NEK10: variants seen among roughly 807,000 people sequenced by gnomAD.
NEK10 encodes the protein serine/threonine-protein kinase Nek10.
A neutral mutation model predicts 159.8 loss-of-function variants in NEK10; 122 were observed. The ratio of observed to expected loss-of-function variants is 0.76; its 90% CI spans 0.66 to 0.89. The LOEUF (loss-of-function observed/expected upper bound fraction) is 0.89. Ranked by LOEUF, NEK10 falls within the 40% of genes least tolerant of loss-of-function variation. The probability of loss-of-function intolerance (pLI) is 0.00; values close to 1 mark genes in which losing one functional copy is unlikely to be tolerated. For synonymous variants in NEK10, 466 were observed against 457.1 expected, an observed-to-expected ratio of 1.02 and a Z score of -0.25; for missense variants, 1,342 against 1,323.1, an observed-to-expected ratio of 1.01 and a Z score of -0.22.
chr3:27,117,095 G>C (rs1575361290), intron 33 of NEK10, among the ~76,000 whole-genome samples: 1 of 152,064 alleles, frequency 6.6e-6, no homozygotes, highest in Non-Finnish European at 1.5e-5. Context: ...TTCTGTTCCC[G>C]TGTTAGTTTG....
chr3:27,229,111 C>T (rs1425714041), intron 23 of NEK10, among the ~76,000 whole-genome samples: 2 of 152,114 alleles, frequency 1.3e-5, no homozygotes, highest in Non-Finnish European at 2.9e-5. Flanking sequence ...AAAGTTTGCA[C>T]CTCAAGAGAA....
chr3:27,148,695 A>G (rs2148726711), intron 30 of NEK10, among the ~76,000 whole-genome samples: 1 of 152,306 alleles, frequency 6.6e-6, no homozygotes, highest in Non-Finnish European at 1.5e-5. Flanking sequence ...ATTATTTTAC[A>G]CACCATGCTA....
intron 5 of NEK10, among the ~76,000 whole-genome samples, chr3:27,334,239 A>G (rs2087760): frequency 0.74 from 111,869 of 152,162 alleles, 41,373 homozygotes; most frequent in East Asian, 0.88. Context: ...CAGGCCTGGA[A>G]ACTAGTGTGC....
intron 30 of NEK10, chr3:27,162,309 G>C: frequency 2.2e-6 from 3 of 1,343,496 alleles, no homozygotes; most frequent in Non-Finnish European, 3.0e-6. Flanking sequence ...CCATCAAATC[G>C]CCAAACTAAT....
chr3:27,314,890 G>T (rs1359985518), intron 6 of NEK10, among the ~76,000 whole-genome samples: 1 of 152,100 alleles, frequency 6.6e-6, no homozygotes, highest in African/African-American at 2.4e-5. Flanking sequence ...AGATCTCCAG[G>T]TCATACGTAC....
chr3:27,304,991 TG>T lies in NEK10; in HGVS notation c.804-21del. 1.3e-6 allele frequency: 2 copies of T among 1,486,930 alleles called. No individual in the cohort carries two copies. Among genetic ancestry groups the T allele is most frequent in the Non-Finnish European group, 9.4e-7 (1 of 1,068,972 alleles). 92.1% of individuals were successfully genotyped at this position (1,486,930 alleles called of 1,614,324 possible). On this transcript the variant is annotated intron_variant, in intron 11 of 35. Transcript: ENST00000691995. ...GTTAGTCTGAAAGGGGTACAGAGGG[TG>T]GGGTGAGAATCACAGCATCATGAGT...
intron 23 of NEK10, chr3:27,252,337 G>A: frequency 2.7e-6 from 1 of 375,360 alleles, no homozygotes; most frequent in Admixed American, 2.7e-5. Flanking sequence ...AAGTAAAGAA[G>A]TAAACTCTGC....
intron 23 of NEK10, among the ~76,000 whole-genome samples, chr3:27,218,658 A>T (rs1402806139): frequency 6.8e-6 from 1 of 147,708 alleles, no homozygotes; most frequent in Non-Finnish European, 1.5e-5. Context: ...ACCAAGTGGG[A>T]TTTGTCTCAG....
chr3:27,254,770 A>G (rs1488577773), intron 23 of NEK10, among the ~76,000 whole-genome samples: 2 of 152,206 alleles, frequency 1.3e-5, no homozygotes, highest in African/African-American at 2.4e-5. Flanking sequence ...ATAATAGCTT[A>G]TCTATATGAG....
At position 27,190,551 on chromosome 3, in the gene NEK10, G is replaced by A. The variant is rs561718597; in HGVS notation, c.2505+1478C>T. The stretch of plus-strand genomic sequence containing the variant: ...GATAAGTAATGGTCCTTCTCAAGGT[G>A]TTTTGCTAAAGATAACAGACTTTCT... On this transcript the variant is annotated intron_variant, in intron 26 of 35. Transcript: ENST00000691995. Among the ~76,000 whole-genome samples, 4 of 152,282 alleles carry A rather than the reference G, an allele frequency of 2.6e-5. No individual in the cohort carries two copies. In the South Asian group the frequency reaches 8.3e-4, roughly 32 times the overall value.
intron 23 of NEK10, among the ~76,000 whole-genome samples, chr3:27,203,410 A>G (rs1279587522): frequency 6.6e-6 from 1 of 152,232 alleles, no homozygotes; most frequent in Non-Finnish European, 1.5e-5. Flanking sequence ...TTGCCACACA[A>G]TTTAAACAAC....
intron 30 of NEK10, among the ~76,000 whole-genome samples, chr3:27,159,215 G>T (rs1363536070): frequency 6.6e-6 from 1 of 152,074 alleles, no homozygotes; most frequent in Non-Finnish European, 1.5e-5. Context: ...CAAATATTAG[G>T]TAATGTTCCT....
chr3:27,169,340 T>C (rs933559252), intron 29 of NEK10, among the ~76,000 whole-genome samples: 7 of 152,178 alleles, frequency 4.6e-5, no homozygotes, highest in Non-Finnish European at 2.9e-5. Context: ...AAACACCCAC[T>C]GTGGTTCTCT....
At chr3:27,301,549 GA>G in intron 13 of NEK10, 146 bp downstream of exon 13, 1 of 625,204 alleles carries the variant, frequency 1.6e-6, no homozygotes, top group Non-Finnish European at 2.8e-6. Flanking sequence ...CTGGGACCAA[GA>G]AGTTTCTGGC....
chr3:27,123,852 C>T (rs541336511), intron 32 of NEK10, among the ~76,000 whole-genome samples: 20 of 151,764 alleles, frequency 1.3e-4, no homozygotes, highest in South Asian at 8.3e-4. Flanking sequence ...TACAAGACTA[C>T]GAAGGAAGCA....
chr3:27,290,655 T>G lies in NEK10; in HGVS notation c.1705A>C (p.Arg569=). ...KDKKDRDSSV[R]NIVSELTIIK... ...ATTGTTAATTCAGAAACAATATTCC[T>G]TACGCTGCTGTCTCGATCTTTCTTA... Residue 569 remains arginine, a synonymous_variant, in exon 19 of 36, where the codon AGG becomes CGG. Transcript: ENST00000691995. The G allele has an allele frequency of 6.2e-7, 1 of 1,607,354 alleles. No individual in the cohort carries two copies. The highest frequency in any genetic ancestry group is 8.5e-7 in the Non-Finnish European group (1 of 1,175,674).
At chr3:27,183,210 T>C (rs893719819) in intron 26 of NEK10, among the ~76,000 whole-genome samples, 18 of 151,852 alleles carry the variant, frequency 1.2e-4, no homozygotes, top group Non-Finnish European at 1.9e-4. Flanking sequence ...ACAATTATTA[T>C]GTACTCAAAA....
At chr3:27,280,095 GAAAAA>G (rs1203824501) in intron 22 of NEK10, among the ~76,000 whole-genome samples, 1 of 69,464 alleles carries the variant, frequency 1.4e-5, no homozygotes, top group African/African-American at 5.4e-5. Flanking sequence ...CCCTAAAATG[GAAAAA>G]AAAAAAAAAA....
rs774381543 is a variant in NEK10, at chr3:27,131,876, A to G, written c.3081+4T>C. The stretch of plus-strand genomic sequence containing the variant: ...AAAGAATTCCTATATATAGAATACC[A>G]TACCTTTTTAATTTCAGATTTCAAA... On this transcript the variant is annotated splice_donor_region_variant and intron_variant, in intron 32 of 35. Coordinates refer to ENST00000691995, the MANE Select transcript of NEK10 (RefSeq NM_001394966.1). 6.6e-7 allele frequency: 1 copy of G among 1,509,422 alleles called. No homozygotes were observed. The highest frequency in any genetic ancestry group is 1.7e-5 in the Admixed American group (1 of 59,452). 93.5% of individuals were successfully genotyped at this position (1,509,422 alleles called of 1,614,324 possible). A position where few individuals can be genotyped will look rare whatever the true frequency, so the allele number is the denominator to read the frequency against.
Sources: allele counts gnomAD v4.1 joint callset (sites outside exome capture counted in the v4.1 genomes callset), GRCh38; gene constraint gnomAD v4.1.1; transcripts MANE v1.5; gene names NCBI Gene and HGNC (gene_info 2026-07-23, HGNC 2026-07-21).